Variants in NEGR1 observed in about 807,000 individuals in gnomAD.
NEGR1 encodes neuronal growth regulator 1, also known as IgLON family member 4.
NEGR1 carries 10 observed loss-of-function variants against 40.9 expected under a neutral mutation model. The observed-to-expected ratio is 0.24, with a 90% CI of 0.15 to 0.42. The LOEUF is 0.42. NEGR1 is among the 10% of genes least tolerant of loss of function. The probability of loss-of-function intolerance (pLI) is 1.00; values close to 1 mark genes in which losing one functional copy is unlikely to be tolerated. For missense variants in NEGR1, 352 were observed against 438.9 expected, an observed-to-expected ratio of 0.80 and a Z score of 1.77; for synonymous variants, 185 against 166.8, an observed-to-expected ratio of 1.11 and a Z score of -0.84.
At chr1:71,650,906 T>A (rs1231077903) in intron 4 of NEGR1, among the ~76,000 whole-genome samples, 1 of 152,190 alleles carries the variant, frequency 6.6e-6, no homozygotes, top group African/African-American at 2.4e-5. Flanking sequence ...AGATAATACA[T>A]TACTTTGTGC....
At chr1:71,679,049 T>C (rs948616308) in intron 4 of NEGR1, among the ~76,000 whole-genome samples, 2 of 152,142 alleles carry the variant, frequency 1.3e-5, no homozygotes, top group African/African-American at 2.4e-5. Context: ...CGTGGAGGAA[T>C]TGAAAATGAA....
chr1:71,761,870 G>A (rs1368052327), intron 3 of NEGR1, among the ~76,000 whole-genome samples: 1 of 152,218 alleles, frequency 6.6e-6, no homozygotes, highest in East Asian at 1.9e-4. Context: ...TCAGGTAGGA[G>A]TGAGAAAAAT....
chr1:72,041,143 A>G (rs1254803934), intron 1 of NEGR1, among the ~76,000 whole-genome samples: 1 of 152,058 alleles, frequency 6.6e-6, no homozygotes, highest in Non-Finnish European at 1.5e-5. Context: ...AAAATATGCT[A>G]TATGTATGCC....
chr1:71,851,435 T>A (rs981920069), intron 2 of NEGR1, among the ~76,000 whole-genome samples: 1 of 152,200 alleles, frequency 6.6e-6, no homozygotes, highest in Admixed American at 6.6e-5. Flanking sequence ...ATTTAATTTT[T>A]AAAATTATTT....
chr1:71,436,790 T>C (rs1033155107), intron 6 of NEGR1, among the ~76,000 whole-genome samples: 1 of 152,232 alleles, frequency 6.6e-6, no homozygotes, highest in Non-Finnish European at 1.5e-5. Context: ...TAATAGTAAC[T>C]ATACTTTATC....
At chr1:72,200,936 C>G (rs1297463851) in intron 1 of NEGR1, among the ~76,000 whole-genome samples, 2 of 148,020 alleles carry the variant, frequency 1.4e-5, no homozygotes, top group South Asian at 2.1e-4. Flanking sequence ...GAAAGATGCA[C>G]CTTTATATAT....
chr1:71,947,040 A>T (rs1646026205), intron 1 of NEGR1, among the ~76,000 whole-genome samples: 1 of 149,670 alleles, frequency 6.7e-6, no homozygotes, highest in Non-Finnish European at 1.5e-5. Flanking sequence ...GTGAGCTGAG[A>T]TCACACCACT....
At chr1:71,552,577 GTATATATAGAA>G (rs1239695089) in intron 6 of NEGR1, among the ~76,000 whole-genome samples, 3 of 147,840 alleles carry the variant, frequency 2.0e-5, no homozygotes, top group African/African-American at 7.4e-5. Context: ...TATATTCTCT[GTATATATAGAA>G]TATATTCTAT....
rs1031424797 is a variant in NEGR1, at chr1:71,396,464, T to C, written c.*10982A>G. 5 of 152,354 alleles carry C rather than the reference T, an allele frequency of 3.3e-5. No homozygotes were observed. The highest frequency in any genetic ancestry group is 6.8e-3 in the Middle Eastern group (2 of 294). 9.4% of individuals were successfully genotyped at this position (152,354 alleles called of 1,614,324 possible). A position where few individuals can be genotyped will look rare whatever the true frequency, so the allele number is the denominator to read the frequency against. On this transcript the variant is annotated 3_prime_UTR_variant, in exon 7 of 7. Coordinates refer to ENST00000357731, the MANE Select transcript of NEGR1 (RefSeq NM_173808.3). ...TTCAGTGTAAATTAAATCTGATTTT[T>C]AAAATTTCCAAAATCAACAAATAAC...
chr1:72,138,122 T>G (rs1650538368), intron 1 of NEGR1, among the ~76,000 whole-genome samples: 1 of 152,052 alleles, frequency 6.6e-6, no homozygotes, highest in African/African-American at 2.4e-5. Flanking sequence ...CATAAAGGAA[T>G]AAGGAGGAGT....
At chr1:71,585,225 TAAC>T (rs1223901998) in intron 6 of NEGR1, among the ~76,000 whole-genome samples, 1 of 152,132 alleles carries the variant, frequency 6.6e-6, no homozygotes, top group Admixed American at 6.6e-5. Context: ...CTTTAAAAAA[TAAC>T]AATCAATCAA....
At chr1:71,642,647 A>G (rs1342357997) in intron 4 of NEGR1, among the ~76,000 whole-genome samples, 1 of 152,042 alleles carries the variant, frequency 6.6e-6, no homozygotes, top group Non-Finnish European at 1.5e-5. Flanking sequence ...TCACAAATCA[A>G]TGAAGGAAGT....
intron 1 of NEGR1, among the ~76,000 whole-genome samples, chr1:72,132,013 C>A (rs991502676): frequency 5.9e-5 from 9 of 152,176 alleles, no homozygotes; most frequent in African/African-American, 1.9e-4. Flanking sequence ...GCAGGAGAAT[C>A]GCTTTAACTT....
chr1:71,966,882 C>G (rs997702390), intron 1 of NEGR1, among the ~76,000 whole-genome samples: 3 of 151,926 alleles, frequency 2.0e-5, no homozygotes, highest in African/African-American at 7.3e-5. Context: ...CTGATCATGC[C>G]CAAAGGACAA....
chr1:72,190,284 G>A (rs1652772907), intron 1 of NEGR1, among the ~76,000 whole-genome samples: 1 of 151,550 alleles, frequency 6.6e-6, no homozygotes, highest in South Asian at 2.1e-4. Flanking sequence ...TTGTATGTGT[G>A]TGTACAGACA....
rs751385087 is a variant in NEGR1 at position 71,935,092 on chromosome 1, A to C, written c.396T>G (p.His132Gln). Residue 132 changes from histidine (H) to glutamine (Q), a missense_variant, in exon 2 of 7, where the codon CAT (histidine) becomes CAG (glutamine). Around this residue, in one of 5 missense-constraint regions of NEGR1, gnomAD observed 50 missense variants for 53.0 expected, o/e 0.94. Transcript: ENST00000357731. ...TQHTPRTMQV[H>Q]LTVQVPPKIY... is the part of the protein sequence containing the mutation. ...GAAAATACATACCTTGCACAGTTAG[A>C]TGCACCTGCATTGTTCTGGGTGTAT... is the stretch of plus-strand genomic sequence containing the variant. 6.2e-7 allele frequency: 1 copy of C among 1,602,622 alleles called. No homozygotes were observed. The highest frequency in any genetic ancestry group is 8.5e-7 in the Non-Finnish European group (1 of 1,169,600).
chr1:71,756,423 A>AC (rs1187314951), intron 3 of NEGR1, among the ~76,000 whole-genome samples: 4 of 135,028 alleles, frequency 3.0e-5, no homozygotes, highest in South Asian at 2.3e-4. Context: ...AAAAAAAAAA[A>AC]CCAAAAAAAA....
chr1:72,176,202 T>G (rs2630410), intron 1 of NEGR1, among the ~76,000 whole-genome samples: 2 of 152,060 alleles, frequency 1.3e-5, no homozygotes. Flanking sequence ...TAGAATTTTA[T>G]GCAAAATTTT....
intron 6 of NEGR1, among the ~76,000 whole-genome samples, chr1:71,540,394 G>A (rs577018831): frequency 1.3e-5 from 2 of 151,734 alleles, no homozygotes; most frequent in South Asian, 2.1e-4. Context: ...ATTAAGAGTC[G>A]GACTGTTTAT....
Sources: gnomAD v4.1 joint callset for allele counts (sites outside exome capture counted in the v4.1 genomes callset) on GRCh38, gnomAD v4.1.1 for gene constraint, gnomAD v4.1.1 regional missense constraint, MANE v1.5 for transcripts, NCBI Gene and HGNC (gene_info 2026-07-23, HGNC 2026-07-21) for gene names.